PRKG1: variants seen among roughly 807,000 people sequenced by gnomAD.
PRKG1 encodes cGMP-dependent protein kinase 1.
Under a neutral mutation model 88.1 loss-of-function variants are expected in PRKG1, and 35 were observed. The observed-to-expected ratio is 0.40, with a 90% CI of 0.30 to 0.53. PRKG1 has a LOEUF of 0.53. PRKG1 is among the 20% of genes least tolerant of loss of function. The pLI, the probability that PRKG1 is intolerant of heterozygous loss-of-function variation, is 0.59. For synonymous variants in PRKG1, 303 were observed against 292.5 expected, an observed-to-expected ratio of 1.04 and a Z score of -0.37; for missense variants, 540 against 839.8, an observed-to-expected ratio of 0.64 and a Z score of 4.41.
intron 5 of PRKG1, among the ~76,000 whole-genome samples, chr10:51,974,158 G>A (rs961908801): frequency 4.6e-5 from 7 of 152,022 alleles, no homozygotes; most frequent in Non-Finnish European, 7.4e-5. Flanking sequence ...CCTGGCTTAG[G>A]TCACTTTATT....
chr10:51,225,535 G>A (rs1252887901), intron 2 of PRKG1, among the ~76,000 whole-genome samples: 1 of 152,056 alleles, frequency 6.6e-6, no homozygotes, highest in African/African-American at 2.4e-5. Flanking sequence ...CAAAACAAAG[G>A]GAAGCATATT....
At chr10:52,092,054 G>A (rs2133324614) in intron 7 of PRKG1, among the ~76,000 whole-genome samples, 1 of 152,258 alleles carries the variant, frequency 6.6e-6, no homozygotes, top group African/African-American at 2.4e-5. Flanking sequence ...GCTGCATTGT[G>A]AGCATGAGCA....
At chr10:51,091,534 G>A (rs1844397808) in intron 1 of PRKG1, among the ~76,000 whole-genome samples, 1 of 152,162 alleles carries the variant, frequency 6.6e-6, no homozygotes, top group Non-Finnish European at 1.5e-5. Flanking sequence ...ATTCAATGAA[G>A]TTTAGAATGC....
chr10:51,210,516 T>G (rs1838185150), intron 2 of PRKG1, among the ~76,000 whole-genome samples: 1 of 152,120 alleles, frequency 6.6e-6, no homozygotes, highest in Non-Finnish European at 1.5e-5. Flanking sequence ...AAAAAATCAA[T>G]GAATCCAGGA....
intron 2 of PRKG1, among the ~76,000 whole-genome samples, chr10:51,295,897 T>C (rs1840708029): frequency 6.6e-6 from 1 of 152,184 alleles, no homozygotes; most frequent in South Asian, 2.1e-4. Flanking sequence ...ATGATGAACT[T>C]TGTCAAATGC....
In PRKG1 at chr10:51,852,063, A is replaced by G. The variant is rs190462560; in HGVS notation, c.698+47373A>G. Among the ~76,000 whole-genome samples, 366 of 151,858 alleles carry G rather than the reference A, an allele frequency of 2.4e-3. 5 individuals are homozygous for G. Among genetic ancestry groups the G allele is most frequent in the African/African-American group, 8.3e-3 (344 of 41,432 alleles). Reference sequence around the variant, plus strand: ...TTATTTTAACATGTTGGAGAAAAAAACAATGTTTAGGCAAATCTAAGTTAT... The same window carrying G: ...TTATTTTAACATGTTGGAGAAAAAAGCAATGTTTAGGCAAATCTAAGTTAT... On this transcript the variant is annotated intron_variant, in intron 4 of 17. Transcript: ENST00000373980.
chr10:51,854,803 T>C lies in PRKG1; in HGVS notation c.698+50113T>C, dbSNP rs143078088. Among the ~76,000 whole-genome samples the C allele has an allele frequency of 5.1e-3, 774 of 152,254 alleles. 9 individuals carry two copies. The highest frequency in any genetic ancestry group is 0.018 in the African/African-American group (758 of 41,542). ...TCACTGTTTTAAAAAATCATTTTGG[T>C]ACAACGAGTTTATAAATTAAGAAAA... On this transcript the variant is annotated intron_variant, in intron 4 of 17. Transcript: ENST00000373980.
intron 1 of PRKG1, among the ~76,000 whole-genome samples, chr10:51,035,618 C>G (rs1381457083): frequency 2.6e-5 from 4 of 152,230 alleles, no homozygotes; most frequent in Middle Eastern, 6.8e-3. Flanking sequence ...GCACCTAGCG[C>G]AATCCTTTAT....
At chr10:52,128,206 A>C in intron 7 of PRKG1, 1 of 985,398 alleles carries the variant, frequency 1.0e-6, no homozygotes, top group Non-Finnish European at 1.2e-6. Context: ...CAACTGGAGT[A>C]GTGTCGAGTT....
intron 14 of PRKG1, among the ~76,000 whole-genome samples, chr10:52,283,583 C>T (rs1842048632): frequency 1.3e-5 from 2 of 152,020 alleles, no homozygotes; most frequent in South Asian, 4.1e-4. Flanking sequence ...CATTATTACC[C>T]ATAAAGTTTC....
At chr10:51,116,421 A>G (rs1845124714) in intron 1 of PRKG1, among the ~76,000 whole-genome samples, 1 of 152,180 alleles carries the variant, frequency 6.6e-6, no homozygotes, top group African/African-American at 2.4e-5. Context: ...GGGCTTCTGT[A>G]TGAAATGAAG....
At chr10:52,245,416 A>G (rs7074246) in intron 9 of PRKG1, among the ~76,000 whole-genome samples, 77,256 of 151,886 alleles carry the variant, frequency 0.51, 21,786 homozygotes, top group East Asian at 0.79. Flanking sequence ...TGAAGAAATC[A>G]GAGTTGGAAG....
chr10:51,829,338 A>G (rs1188494854), intron 4 of PRKG1, among the ~76,000 whole-genome samples: 1 of 152,160 alleles, frequency 6.6e-6, no homozygotes, highest in East Asian at 1.9e-4. Context: ...CTCACACTCA[A>G]AGTGGGAAGG....
chr10:51,554,775 G>A (rs759450592), intron 3 of PRKG1, among the ~76,000 whole-genome samples: 2 of 151,728 alleles, frequency 1.3e-5, no homozygotes, highest in African/African-American at 4.8e-5. Flanking sequence ...GGTCCTCCAT[G>A]AGCAAACATT....
At chr10:51,406,700 T>C (rs1182027031) in intron 2 of PRKG1, among the ~76,000 whole-genome samples, 1 of 151,592 alleles carries the variant, frequency 6.6e-6, no homozygotes, top group East Asian at 1.9e-4. Context: ...TGTGCAACAA[T>C]AGGTGAATTC....
chr10:51,918,226 C>T (rs57913582), intron 5 of PRKG1, among the ~76,000 whole-genome samples: 1,726 of 152,190 alleles, frequency 0.011, 32 homozygotes, highest in African/African-American at 0.04. Context: ...TACTATACTG[C>T]ATTGTAACTT....
intron 4 of PRKG1, among the ~76,000 whole-genome samples, chr10:51,817,109 C>A (rs575366586): frequency 3.6e-4 from 55 of 152,050 alleles, no homozygotes; most frequent in Non-Finnish European, 6.8e-4. Context: ...GTGCGTTGAA[C>A]TCTGTACACT....
intron 2 of PRKG1, among the ~76,000 whole-genome samples, chr10:51,369,815 C>G (rs1842664043): frequency 6.6e-6 from 1 of 152,110 alleles, no homozygotes. Flanking sequence ...ACCTTATGCT[C>G]TACGACATCA....
chr10:51,592,145 C>T (rs1838327686), intron 3 of PRKG1, among the ~76,000 whole-genome samples: 1 of 152,088 alleles, frequency 6.6e-6, no homozygotes, highest in South Asian at 2.1e-4. Context: ...TACTTTTTCT[C>T]ATTTGATTGA....
Sources: allele counts gnomAD v4.1 joint callset (sites outside exome capture counted in the v4.1 genomes callset), GRCh38; gene constraint gnomAD v4.1.1; transcripts MANE v1.5; gene names NCBI Gene and HGNC (gene_info 2026-07-23, HGNC 2026-07-21).